Variants in RANBP2 observed in about 807,000 individuals in gnomAD.
RANBP2 encodes E3 SUMO-protein ligase RanBP2.
RANBP2 carries 57 observed loss-of-function variants against 303.6 expected under a neutral mutation model. That is an observed-to-expected ratio of 0.19 (90% confidence interval 0.15 to 0.23). The LOEUF (loss-of-function observed/expected upper bound fraction) is 0.23. RANBP2 is among the 10% of genes least tolerant of loss of function. The probability of loss-of-function intolerance (pLI) is 1.00; values close to 1 mark genes in which losing one functional copy is unlikely to be tolerated. For missense variants in RANBP2, 3,138 were observed against 3,780.8 expected (o/e 0.83, Z 4.46); for synonymous variants, 1,167 against 1,301.5 (o/e 0.90, Z 2.23).
chr2:108,822,543 C>T, the RANBP2 span, among the ~76,000 whole-genome samples: 4 of 152,166 alleles, frequency 2.6e-5, no homozygotes, highest in Admixed American at 2.6e-4. Flanking sequence ...TCCAGATAAA[C>T]TACGTGTTTG....
chr2:108,762,779 A>G (rs1573804039), intron 19 of RANBP2, among the ~76,000 whole-genome samples: 1 of 150,936 alleles, frequency 6.6e-6, no homozygotes, highest in South Asian at 2.1e-4. Flanking sequence ...GCACATTAAT[A>G]AATGCTCAAT....
the RANBP2 span, among the ~76,000 whole-genome samples, chr2:109,252,401 C>G: frequency 1.3e-5 from 2 of 152,162 alleles, no homozygotes; most frequent in African/African-American, 4.8e-5. Flanking sequence ...TTAATGTTTA[C>G]TTCTGAAACT....
chr2:109,220,441 C>T, the RANBP2 span, among the ~76,000 whole-genome samples: 6 of 152,134 alleles, frequency 3.9e-5, no homozygotes, highest in East Asian at 3.9e-4. Context: ...TTCATCAAAA[C>T]GCAAAAGTTT....
the RANBP2 span, chr2:108,791,520 T>C: frequency 1.2e-6 from 1 of 832,406 alleles, no homozygotes; most frequent in Non-Finnish European, 2.0e-6. Flanking sequence ...TGTTAGTTTT[T>C]ACGTTTTTTC....
chr2:109,439,628 T>C, the RANBP2 span, among the ~76,000 whole-genome samples: 1 of 152,170 alleles, frequency 6.6e-6, no homozygotes, highest in Non-Finnish European at 1.5e-5. Flanking sequence ...ATGTAACTCC[T>C]TTCCCAAAGG....
chr2:109,513,157 G>A, the RANBP2 span, among the ~76,000 whole-genome samples: 10 of 152,118 alleles, frequency 6.6e-5, no homozygotes, highest in South Asian at 4.2e-4. Context: ...TTCCACTCCC[G>A]TGCCCTGGAA....
chr2:109,645,499 A>T, the RANBP2 span, among the ~76,000 whole-genome samples: 2 of 152,206 alleles, frequency 1.3e-5, no homozygotes, highest in African/African-American at 4.8e-5. Flanking sequence ...GGTCCTCCTC[A>T]GTTTGCTTCT....
At chr2:109,544,623 T>A in the RANBP2 span, 1 of 942,886 alleles carries the variant, frequency 1.1e-6, no homozygotes, top group Non-Finnish European at 1.3e-6. Flanking sequence ...ATGGGAAATC[T>A]AATTTTAGTA....
chr2:108,737,961 T>A (rs1463688430), intron 6 of RANBP2, among the ~76,000 whole-genome samples: 3 of 150,608 alleles, frequency 2.0e-5, no homozygotes, highest in Non-Finnish European at 4.4e-5. Context: ...TGATCTGCCC[T>A]CCTCGGCCTC....
chr2:109,433,847 C>G, the RANBP2 span, among the ~76,000 whole-genome samples: 1 of 152,218 alleles, frequency 6.6e-6, no homozygotes, highest in Non-Finnish European at 1.5e-5. Context: ...CAGGGAAAAG[C>G]TTGAGAAGCA....
chr2:109,568,346 C>T, the RANBP2 span, among the ~76,000 whole-genome samples: 1 of 151,252 alleles, frequency 6.6e-6, no homozygotes, highest in Non-Finnish European at 1.5e-5. Context: ...CTTATACACT[C>T]ATTCCTACAG....
the RANBP2 span, among the ~76,000 whole-genome samples, chr2:109,720,006 G>A: frequency 1.3e-5 from 2 of 152,180 alleles, no homozygotes; most frequent in African/African-American, 2.4e-5. Flanking sequence ...CCGAGGACTC[G>A]TGATCGGCTG....
At chr2:109,357,543 G>A in the RANBP2 span, among the ~76,000 whole-genome samples, 2 of 152,208 alleles carry the variant, frequency 1.3e-5, no homozygotes, top group Non-Finnish European at 2.9e-5. Flanking sequence ...GCCTCTGACA[G>A]TTACCAGCCC....
the RANBP2 span, among the ~76,000 whole-genome samples, chr2:109,163,699 G>T: frequency 6.6e-6 from 1 of 152,152 alleles, no homozygotes. Context: ...GCGCCTGGCC[G>T]CAAATATTCT....
chr2:109,442,954 G>A, the RANBP2 span, among the ~76,000 whole-genome samples: 10 of 152,216 alleles, frequency 6.6e-5, no homozygotes, highest in Admixed American at 1.3e-4. Context: ...ACGATATGCT[G>A]TGAGTAAGAA....
chr2:108,992,932 G>C, the RANBP2 span, among the ~76,000 whole-genome samples: 2 of 152,050 alleles, frequency 1.3e-5, no homozygotes, highest in Admixed American at 6.6e-5. Context: ...GCCCTCCTCA[G>C]CACTGGCCAG....
chr2:109,572,089 C>T, the RANBP2 span, among the ~76,000 whole-genome samples: 7 of 152,320 alleles, frequency 4.6e-5, no homozygotes, highest in East Asian at 1.4e-3. Flanking sequence ...CTCAGCTAAT[C>T]TTCCCAAAAG....
the RANBP2 span, among the ~76,000 whole-genome samples, chr2:109,074,088 G>T: frequency 6.6e-6 from 1 of 150,628 alleles, no homozygotes; most frequent in South Asian, 2.1e-4. Flanking sequence ...TAAAAAAATG[G>T]CAATATGGTG....
chr2:109,145,537 T>A, the RANBP2 span, among the ~76,000 whole-genome samples: 1 of 152,240 alleles, frequency 6.6e-6, no homozygotes, highest in African/African-American at 2.4e-5. Flanking sequence ...AGGGGCTGCT[T>A]CCTCACACAT....
Sources: gnomAD v4.1 joint callset for allele counts (sites outside exome capture counted in the v4.1 genomes callset) on GRCh38, gnomAD v4.1.1 for gene constraint, MANE v1.5 for transcripts, NCBI Gene and HGNC (gene_info 2026-07-23, HGNC 2026-07-21) for gene names.